The following MGAT4C variants were observed in gnomAD, a reference collection of about 807,000 sequenced individuals.
MGAT4C encodes the protein MGAT4 family member C, also known as alpha-1,3-mannosyl-glycoprotein 4-beta-N-acetylglucosaminyltransferase C.
In MGAT4C, 19 loss-of-function variants were observed where a neutral mutation model predicts 40.1. That is an observed-to-expected ratio of 0.47 (90% CI 0.33 to 0.70). The LOEUF is 0.70. Ranked by LOEUF, MGAT4C falls within the 30% of genes least tolerant of loss-of-function variation. The pLI is 0.02. For synonymous variants in MGAT4C, 181 were observed against 187.1 expected, an observed-to-expected ratio of 0.97 and a Z score of 0.27; for missense variants, 491 against 563.2, an observed-to-expected ratio of 0.87 and a Z score of 1.30.
chr12:86,666,839 AT>A (rs1964119899), intron 2 of MGAT4C, among the ~76,000 whole-genome samples: 2 of 152,166 alleles, frequency 1.3e-5, no homozygotes, highest in South Asian at 4.1e-4. Context: ...TTTGGTAAAC[AT>A]TTATCAATCT....
chr12:86,043,914 C>T (rs1260895387), intron 2 of MGAT4C, among the ~76,000 whole-genome samples: 1 of 152,170 alleles, frequency 6.6e-6, no homozygotes, highest in African/African-American at 2.4e-5. Flanking sequence ...TGCTGGGGAA[C>T]CAGCGTGGGT....
chr12:86,368,298 T>G (rs1044909833), intron 3 of MGAT4C, among the ~76,000 whole-genome samples: 1 of 152,114 alleles, frequency 6.6e-6, no homozygotes, highest in Non-Finnish European at 1.5e-5. Flanking sequence ...AAATGAGAAA[T>G]TTTAGTCATG....
intron 4 of MGAT4C, among the ~76,000 whole-genome samples, chr12:86,271,211 CAGTG>C (rs895756423): frequency 6.6e-6 from 1 of 152,110 alleles, no homozygotes; most frequent in Non-Finnish European, 1.5e-5. Context: ...GGAAACAACA[CAGTG>C]AGGAGAAAAC....
intron 1 of MGAT4C, among the ~76,000 whole-genome samples, chr12:86,203,463 T>C (rs767191812): frequency 2.6e-5 from 4 of 152,240 alleles, no homozygotes; most frequent in Admixed American, 1.3e-4. Flanking sequence ...CTCTCAAACA[T>C]TTCCAGGAAG....
chr12:86,148,747 A>G (rs1325062116), intron 1 of MGAT4C, among the ~76,000 whole-genome samples: 1 of 152,222 alleles, frequency 6.6e-6, no homozygotes, highest in Non-Finnish European at 1.5e-5. Context: ...ATTGCAGAAT[A>G]GACACACATT....
intron 1 of MGAT4C, among the ~76,000 whole-genome samples, chr12:86,776,453 T>C (rs10858480): frequency 0.32 from 48,602 of 151,572 alleles, 9,587 homozygotes; most frequent in Admixed American, 0.46. Flanking sequence ...ATTTAAGATA[T>C]CATGTTACCC....
intron 3 of MGAT4C, among the ~76,000 whole-genome samples, chr12:86,354,431 T>C (rs1441207619): frequency 6.6e-6 from 1 of 152,144 alleles, no homozygotes; most frequent in Non-Finnish European, 1.5e-5. Context: ...TAAAATAACC[T>C]ATGTTAGAAT....
rs1261684989 is a variant in MGAT4C, at chr12:85,976,155, G to A, written c.*3134C>T. On this transcript the variant is annotated 3_prime_UTR_variant, in exon 5 of 5. Coordinates refer to ENST00000611864, the MANE Select transcript of MGAT4C (RefSeq NM_001351288.2). The stretch of plus-strand genomic sequence containing the variant: ...TATGATAGCATTATAAAAATTCCCA[G>A]AGAATACTGGCCCAGTAAGAAATGG... 6.6e-6 allele frequency: 1 copy of A among 150,830 alleles called. No individual in the cohort carries two copies. Among genetic ancestry groups the A allele is most frequent in the Non-Finnish European group, 1.5e-5 (1 of 67,154 alleles). The allele number at this position is 150,830 out of a possible 1,614,324, so 9.3% of individuals were successfully genotyped here.
chr12:86,254,596 A>T (rs1205685353), intron 1 of MGAT4C, among the ~76,000 whole-genome samples: 1 of 152,088 alleles, frequency 6.6e-6, no homozygotes, highest in Non-Finnish European at 1.5e-5. Flanking sequence ...ACTTCACTAT[A>T]GAGTACTTAG....
intron 4 of MGAT4C, among the ~76,000 whole-genome samples, chr12:86,329,278 T>C (rs1954601362): frequency 6.6e-6 from 1 of 152,030 alleles, no homozygotes; most frequent in Admixed American, 6.6e-5. Flanking sequence ...GCGTGGTGGC[T>C]CACGCCTGTA....
intron 1 of MGAT4C, among the ~76,000 whole-genome samples, chr12:86,826,969 C>G (rs1271288059): frequency 6.6e-6 from 1 of 151,360 alleles, no homozygotes; most frequent in Non-Finnish European, 1.5e-5. Context: ...CTACTAATCC[C>G]TTATACTTCT....
chr12:86,764,228 G>C (rs1951458306), intron 1 of MGAT4C, among the ~76,000 whole-genome samples: 1 of 152,196 alleles, frequency 6.6e-6, no homozygotes, highest in Non-Finnish European at 1.5e-5. Context: ...ACCTGGCTTG[G>C]AGGGTCCTAT....
chr12:86,800,422 T>C (rs775778974), intron 1 of MGAT4C, among the ~76,000 whole-genome samples: 1 of 151,882 alleles, frequency 6.6e-6, no homozygotes, highest in South Asian at 2.1e-4. Flanking sequence ...TCCATCACTT[T>C]ATAATCAATA....
chr12:86,180,269 G>C (rs1460745047), intron 1 of MGAT4C, among the ~76,000 whole-genome samples: 1 of 152,240 alleles, frequency 6.6e-6, no homozygotes, highest in Non-Finnish European at 1.5e-5. Flanking sequence ...GAAATGCTTG[G>C]ATGCCCAGGC....
chr12:86,762,494 T>TTA (rs1288508216), intron 1 of MGAT4C, among the ~76,000 whole-genome samples: 1 of 152,174 alleles, frequency 6.6e-6, no homozygotes, highest in Non-Finnish European at 1.5e-5. Flanking sequence ...GAAGCTGTCT[T>TTA]CAGGACCAGG....
At chr12:86,498,933 G>A in intron 2 of MGAT4C, among the ~76,000 whole-genome samples, 1 of 151,950 alleles carries the variant, frequency 6.6e-6, no homozygotes, top group South Asian at 2.1e-4. Flanking sequence ...CAAAAAAAAG[G>A]TGAATTGCTT....
chr12:86,310,196 G>A (rs2136149389), intron 4 of MGAT4C, among the ~76,000 whole-genome samples: 1 of 151,954 alleles, frequency 6.6e-6, no homozygotes, highest in Admixed American at 6.6e-5. Flanking sequence ...TAATGTGAAT[G>A]AGTAAATTGG....
At position 86,837,112 on chromosome 12, in the gene MGAT4C, A is replaced by T. The variant is rs192561352; in HGVS notation, c.-262+1554T>A. 4.3e-4 allele frequency among the ~76,000 whole-genome samples: 66 copies of T among 152,214 alleles called. 1 individual carries two copies. The highest frequency in any genetic ancestry group is 1.3e-3 in the Admixed American group (20 of 15,262). On this transcript the variant is annotated intron_variant, in intron 1 of 7. Coordinates refer to the MGAT4C transcript ENST00000548651. ...TAGAGCTGTGAGTTATTGGGGGAGA[A>T]ACCAGACTGGGAGCAATCTCACTTT... is the stretch of plus-strand genomic sequence containing the variant.
At chr12:86,212,715 C>T (rs550795908) in intron 1 of MGAT4C, among the ~76,000 whole-genome samples, 2 of 117,794 alleles carry the variant, frequency 1.7e-5, no homozygotes, top group Non-Finnish European at 3.6e-5. Flanking sequence ...GGTGAAACCC[C>T]GTCTCTACTA....
Sources: allele counts gnomAD v4.1 joint callset (sites outside exome capture counted in the v4.1 genomes callset), GRCh38; gene constraint gnomAD v4.1.1; transcripts MANE v1.5; gene names NCBI Gene and HGNC (gene_info 2026-07-23, HGNC 2026-07-21).